The following TIAM2 variants were observed in gnomAD, a reference collection of about 807,000 sequenced individuals.
TIAM2 encodes TIAM Rac1 associated GEF 2.
A neutral mutation model predicts 152.9 loss-of-function variants in TIAM2; 80 were observed. The ratio of observed to expected loss-of-function variants is 0.52; its 90% confidence interval spans 0.44 to 0.63. The LOEUF (loss-of-function observed/expected upper bound fraction) is 0.63, where lower values mean the gene tolerates loss of function less well. TIAM2 is among the 30% of genes least tolerant of loss of function. TIAM2 has a pLI of 0.00. For synonymous variants in TIAM2, 804 were observed against 838.0 expected (o/e 0.96, Z 0.70); for missense variants, 1,965 against 2,120.1 (o/e 0.93, Z 1.44).
Position 155,048,498 on chromosome 6 carries a change from CAA to C in TIAM2, c.-208-41790_-208-41789del, listed in dbSNP as rs756794256. Among the ~76,000 whole-genome samples the C allele has an allele frequency of 1.0e-3, 155 of 152,138 alleles. 1 individual carries two copies. Among genetic ancestry groups the C allele is most frequent in the Non-Finnish European group, 1.5e-3 (104 of 68,012 alleles). On this transcript the variant is annotated intron_variant, in intron 1 of 26. Transcript: ENST00000682666. ...GAGAAGAAAACAGCAAACGAGTAAA[CAA>C]GGCTGCAAGGACAAGTGTGGCCGTG...
chr6:155,038,953 CTTTT>C (rs33971396), intron 1 of TIAM2, among the ~76,000 whole-genome samples: 7 of 64,184 alleles, frequency 1.1e-4, no homozygotes, highest in African/African-American at 1.4e-4. Flanking sequence ...TGAGCATGTC[CTTTT>C]TTTTTTTTTT....
Position 155,130,074 on chromosome 6 carries a change from G to A in TIAM2, c.851G>A (p.Gly284Asp). Residue 284 changes from glycine to aspartate, a missense_variant, in exon 4 of 27, where the codon GGC becomes GAC. Physicochemically the swap from Gly to Asp is moderately conservative, Grantham distance 94 (BLOSUM62 -1). Coordinates refer to ENST00000682666, the MANE Select transcript of TIAM2 (RefSeq NM_012454.4). Reference sequence around the variant, plus strand: ...AGTCTCCATGCCAGCTTCCCACCTGGCGATGCCAAAAAGCCTTTCAACCAA... The same window carrying A: ...AGTCTCCATGCCAGCTTCCCACCTGACGATGCCAAAAAGCCTTTCAACCAA... The part of the protein sequence containing the change: ...DPSLHASFPP[G>D]DAKKPFNQSS... The A allele has an allele frequency of 6.2e-7, 1 of 1,614,034 alleles. No individual in the cohort carries two copies. Among genetic ancestry groups the A allele is most frequent in the Non-Finnish European group, 8.5e-7 (1 of 1,180,026 alleles).
At chr6:155,212,283 A>G (rs916573464) in intron 15 of TIAM2, among the ~76,000 whole-genome samples, 2 of 152,194 alleles carry the variant, frequency 1.3e-5, no homozygotes, top group African/African-American at 2.4e-5. Context: ...GTCTCCCACA[A>G]TGCTGCACTA....
At chr6:155,028,810 A>AC (rs1776708889) in intron 1 of TIAM2, among the ~76,000 whole-genome samples, 1 of 135,362 alleles carries the variant, frequency 7.4e-6, no homozygotes, top group South Asian at 2.3e-4. Context: ...TATATACTAT[A>AC]TATAATATAT....
Position 155,213,848 on chromosome 6 carries a change from G to C in TIAM2, c.3168+2541G>C, listed in dbSNP as rs1781784791. Among the ~76,000 whole-genome samples, 1 of 152,236 alleles carries C rather than the reference G, an allele frequency of 6.6e-6. No homozygotes were observed. Among genetic ancestry groups the C allele is most frequent in the African/African-American group, 2.4e-5 (1 of 41,464 alleles). On this transcript the variant is annotated intron_variant, in intron 15 of 26. Transcript: ENST00000682666. This position sits in a 1 kb window ranked among gnomAD's most constrained non-coding sequence, Gnocchi z 4.2. ...CCCTGAACGTGTCCACACATGGCTGGGTTGCAGCAGTGCCTGGGCTTGGAC... is the reference window on the plus strand; with the variant it reads ...CCCTGAACGTGTCCACACATGGCTGCGTTGCAGCAGTGCCTGGGCTTGGAC...
At chr6:155,226,680 G>A (rs1171701589) in intron 15 of TIAM2, among the ~76,000 whole-genome samples, 1 of 149,866 alleles carries the variant, frequency 6.7e-6, no homozygotes, top group African/African-American at 2.5e-5. Flanking sequence ...GGGGGCGGGG[G>A]GCAGGGAAGA....
intron 1 of TIAM2, among the ~76,000 whole-genome samples, chr6:155,051,298 C>T (rs1777311105): frequency 6.6e-6 from 1 of 152,162 alleles, no homozygotes; most frequent in South Asian, 2.1e-4. Flanking sequence ...TTGTGCAGAG[C>T]TTGTGCCCTG....
At position 155,250,927 on chromosome 6, in the gene TIAM2, G is replaced by C. The variant is rs145496334; in HGVS notation, c.3966G>C (p.Ser1322=). Residue 1322 remains serine (S), a synonymous_variant, in exon 22 of 27, where the codon TCG becomes TCC. Coordinates refer to ENST00000682666, the MANE Select transcript of TIAM2 (RefSeq NM_012454.4). ...TTACAATCTAGGTAACAGAACTTTC[G>C]ATGGGAGAGCTTCTGATGCACTCTA... is the stretch of plus-strand genomic sequence containing the variant. ...SGTEKEVTEL[S]MGELLMHSTV... The C allele has an allele frequency of 1.2e-6, 2 of 1,614,118 alleles. No homozygotes were observed. The highest frequency in any genetic ancestry group is 1.7e-5 in the Admixed American group (1 of 60,016).
chr6:155,217,033 G>T (rs1170904604), intron 15 of TIAM2: 3 of 1,288,716 alleles, frequency 2.3e-6, no homozygotes, highest in Non-Finnish European at 3.0e-6. Flanking sequence ...ACTTAGATGT[G>T]ATCCGTTCTC....
intron 14 of TIAM2, among the ~76,000 whole-genome samples, chr6:155,203,048 C>CAAAAAAAAAAAAAAAAAAAA (rs59836931): frequency 5.1e-5 from 4 of 78,880 alleles, no homozygotes; most frequent in African/African-American, 1.3e-4. Flanking sequence ...AACTCTGTCT[C>CAAAAAAAAAAAAAAAAAAAA]AAAAAAAAAA....
rs528445632 is a variant in TIAM2, at chr6:155,125,140, G to A, written c.-117-2350G>A. ...ACAAAAATTAGCTGGGTGTGGTGGC[G>A]GGCACTTGTAATCCCAGATGCTCAG... On this transcript the variant is annotated intron_variant, in intron 2 of 26. Transcript: ENST00000682666. 3.1e-3 allele frequency among the ~76,000 whole-genome samples: 478 copies of A among 152,068 alleles called. 1 individual carries two copies. The highest frequency in any genetic ancestry group is 0.011 in the African/African-American group (443 of 41,476).
chr6:154,999,254 C>A (rs1036540309), intron 1 of TIAM2, among the ~76,000 whole-genome samples: 2 of 151,414 alleles, frequency 1.3e-5, no homozygotes, highest in Non-Finnish European at 2.9e-5. Flanking sequence ...GCTCTGTCAC[C>A]CAGGTTGGAG....
At chr6:155,099,162 G>A (rs2114990336) in intron 2 of TIAM2, among the ~76,000 whole-genome samples, 1 of 152,096 alleles carries the variant, frequency 6.6e-6, no homozygotes, top group Middle Eastern at 3.4e-3. Flanking sequence ...ACTCCAGCCT[G>A]GGCAACAAGA....
chr6:155,069,583 TAAG>T (rs1777788132), intron 1 of TIAM2, among the ~76,000 whole-genome samples: 1 of 151,754 alleles, frequency 6.6e-6, no homozygotes, highest in Non-Finnish European at 1.5e-5. Flanking sequence ...GGCACCCAAA[TAAG>T]AAGTAGACAT....
intron 1 of TIAM2, chr6:155,014,016 G>A (rs1778533152): frequency 6.6e-6 from 1 of 151,408 alleles, no homozygotes; most frequent in South Asian, 2.1e-4. Context: ...GAAAAACTAA[G>A]GTGATGTGTA....
rs117865583 is a variant in TIAM2, at chr6:155,142,959, A to G, written c.1631-1647A>G. Among the ~76,000 whole-genome samples the G allele has an allele frequency of 9.5e-3, 1,444 of 152,346 alleles. 12 individuals are homozygous for G. The highest frequency in any genetic ancestry group is 0.016 in the Non-Finnish European group (1,073 of 68,038). On this transcript the variant is annotated intron_variant, in intron 5 of 26. Coordinates refer to ENST00000682666, the MANE Select transcript of TIAM2 (RefSeq NM_012454.4). ...ACTTATTTTTAAAGGAAGTAATGAAATTGGAAAGACTGAAATAGTTTTCAA... is the reference window on the plus strand; with the variant it reads ...ACTTATTTTTAAAGGAAGTAATGAAGTTGGAAAGACTGAAATAGTTTTCAA...
chr6:155,136,374 A>G (rs1024664230), intron 4 of TIAM2, among the ~76,000 whole-genome samples: 4 of 151,592 alleles, frequency 2.6e-5, no homozygotes, highest in Non-Finnish European at 4.4e-5. Context: ...TTCCAGGTTC[A>G]GGTGATTCTC....
At chr6:155,088,439 G>C (rs1156509853) in intron 1 of TIAM2, among the ~76,000 whole-genome samples, 1 of 152,238 alleles carries the variant, frequency 6.6e-6, no homozygotes, top group African/African-American at 2.4e-5. Flanking sequence ...TTTCTCAATA[G>C]TGACCATTTA....
In TIAM2 at chr6:155,213,327, A is replaced by G. The variant is rs1257817172; in HGVS notation, c.3168+2020A>G. Among the ~76,000 whole-genome samples, 1 of 152,106 alleles carries G rather than the reference A, an allele frequency of 6.6e-6. No homozygotes were observed. The highest frequency in any genetic ancestry group is 1.5e-5 in the Non-Finnish European group (1 of 68,020). ...TCTCTCTGCAGGCTGGTTGTCCCAT[A>G]GAGTGTTCACCTCTCAGCAGAGAGC... On this transcript the variant is annotated intron_variant, in intron 15 of 26. Coordinates refer to ENST00000682666, the MANE Select transcript of TIAM2 (RefSeq NM_012454.4). This position sits in a 1 kb window ranked among gnomAD's most constrained non-coding sequence, Gnocchi z 4.2.
Sources: allele counts gnomAD v4.1 joint callset (sites outside exome capture counted in the v4.1 genomes callset), GRCh38; gene constraint gnomAD v4.1.1; non-coding constraint Gnocchi (gnomAD v3.1); transcripts MANE v1.5; gene names NCBI Gene and HGNC (gene_info 2026-07-23, HGNC 2026-07-21).